The following SHANK2 variants were observed in gnomAD, a reference collection of about 807,000 sequenced individuals.
SHANK2 encodes the protein SH3 and multiple ankyrin repeat domains 2, also known as SH3 and multiple ankyrin repeat domains protein 2.
Under a neutral mutation model 133.7 loss-of-function variants are expected in SHANK2, and 43 were observed. The ratio of observed to expected loss-of-function variants is 0.32; its 90% CI spans 0.25 to 0.41. SHANK2 has a LOEUF of 0.41. Ranked by LOEUF, SHANK2 falls within the 10% of genes least tolerant of loss-of-function variation. The pLI is 1.00. For missense variants in SHANK2, 1,994 were observed against 2,235.8 expected (o/e 0.89, Z 2.18); for synonymous variants, 1,017 against 952.8 (o/e 1.07, Z -1.24).
At position 71,175,556 on chromosome 11, in the gene SHANK2, GAGA is replaced by G. The variant is rs1953420676; in HGVS notation, c.-12-28221_-12-28219del. On this transcript the variant is annotated intron_variant, in intron 2 of 25. Transcript: ENST00000601538. This position sits in a 1 kb window ranked among gnomAD's most constrained non-coding sequence, Gnocchi z 4.2. ...AGACAGAGGGAGAGGGAGAGGGAGA[GAGA>G]GAGAGAGAGAGAGAGAGAGAGAGAG... Among the ~76,000 whole-genome samples, 227 of 58,546 alleles carry G rather than the reference GAGA, an allele frequency of 3.9e-3. 6 individuals carry two copies. The highest frequency in any genetic ancestry group is 0.013 in the South Asian group (22 of 1,682). The allele number at this position is 58,546 out of a possible 152,430, so 38.4% of individuals were successfully genotyped here.
intron 17 of SHANK2, among the ~76,000 whole-genome samples, chr11:70,641,047 A>T (rs1286234290): frequency 2.0e-5 from 3 of 148,384 alleles, no homozygotes; most frequent in African/African-American, 5.1e-5. Context: ...CAGAATTTTT[A>T]AAATTCTAAG....
chr11:70,641,005 C>T (rs1412218341), intron 17 of SHANK2, among the ~76,000 whole-genome samples: 1 of 152,114 alleles, frequency 6.6e-6, no homozygotes, highest in Non-Finnish European at 1.5e-5. Flanking sequence ...CCTGGCATCC[C>T]TCCCTGATGA....
rs782228983 is a variant in SHANK2, at chr11:70,819,802, C to T, written c.1493+562G>A. On this transcript the variant is annotated intron_variant, in intron 12 of 25. Coordinates refer to ENST00000601538, the MANE Select transcript of SHANK2 (RefSeq NM_012309.5). ...CTGCAAGTGCTCCCCTGAGGGTTAG[C>T]GCTACCTGAGACCATCCCTGCAGCT... Among the ~76,000 whole-genome samples the T allele has an allele frequency of 5.6e-4, 86 of 152,270 alleles. No homozygotes were observed. The Middle Eastern group carries it at 0.01, about 18-fold the overall frequency.
At chr11:71,214,872 G>A (rs1451112655) in intron 2 of SHANK2, among the ~76,000 whole-genome samples, 1 of 152,218 alleles carries the variant, frequency 6.6e-6, no homozygotes, top group East Asian at 1.9e-4. Context: ...CCTGGGGGTG[G>A]CCACAGCCTT....
chr11:71,104,192 T>C (rs899974625), intron 6 of SHANK2, among the ~76,000 whole-genome samples: 1 of 152,152 alleles, frequency 6.6e-6, no homozygotes, highest in Non-Finnish European at 1.5e-5. Flanking sequence ...GTAGGTGTTA[T>C]CATTCAATTT....
intron 11 of SHANK2, among the ~76,000 whole-genome samples, chr11:70,886,885 C>G (rs1472681221): frequency 1.3e-5 from 2 of 152,122 alleles, no homozygotes; most frequent in Non-Finnish European, 2.9e-5. Context: ...CACACATCAG[C>G]TCAATGTGCC....
chr11:70,594,701 C>T (rs2060374049), intron 17 of SHANK2, among the ~76,000 whole-genome samples: 1 of 152,110 alleles, frequency 6.6e-6, no homozygotes, highest in Non-Finnish European at 1.5e-5. Flanking sequence ...TGGAACAACA[C>T]CGTGAACCTC....
chr11:71,059,818 G>C (rs1780554275), intron 9 of SHANK2, among the ~76,000 whole-genome samples: 1 of 152,214 alleles, frequency 6.6e-6, no homozygotes, highest in South Asian at 2.1e-4. Flanking sequence ...CGGTGACTGT[G>C]GCCAGCTTTG....
intron 8 of SHANK2, among the ~76,000 whole-genome samples, chr11:71,076,458 T>C (rs1289102987): frequency 6.6e-6 from 1 of 150,914 alleles, no homozygotes; most frequent in African/African-American, 2.4e-5. Flanking sequence ...AGGGAAGATA[T>C]TGAAACTATT....
chr11:71,124,090 C>T (rs370951104), intron 3 of SHANK2, among the ~76,000 whole-genome samples: 2 of 101,802 alleles, frequency 2.0e-5, no homozygotes, highest in East Asian at 3.2e-4. Context: ...TTGGTAATGG[C>T]GATGATAGTG....
chr11:71,215,065 C>G (rs1954377898), intron 2 of SHANK2, among the ~76,000 whole-genome samples: 1 of 152,220 alleles, frequency 6.6e-6, no homozygotes, highest in Admixed American at 6.5e-5. Flanking sequence ...GCTCCCTCCA[C>G]CAGCCATTCT....
At chr11:70,567,953 A>T (rs2059988255) in intron 17 of SHANK2, among the ~76,000 whole-genome samples, 2 of 152,214 alleles carry the variant, frequency 1.3e-5, no homozygotes, top group African/African-American at 4.8e-5. Context: ...TGAGCTATTC[A>T]AACCAAAACT....
chr11:70,485,339 C>T lies in SHANK2; in HGVS notation c.4954G>A (p.Ala1652Thr), dbSNP rs782153131. ...PGEGLDSPMG[A>T]KSASLAPRSP... ...CTTGGAGCGAGGCTGGCGGACTTGG[C>T]TCCCATTGGTGAATCCAGTCCTTCC... Residue 1652 changes from alanine to threonine, a missense_variant, in exon 25 of 26, where the codon GCC becomes ACC. This residue lies in a region of SHANK2 where 797 missense variants were observed against 907.4 expected (regional missense o/e 0.88). Coordinates refer to ENST00000601538, the MANE Select transcript of SHANK2 (RefSeq NM_012309.5). This position sits in a 1 kb window ranked among gnomAD's most constrained non-coding sequence, Gnocchi z 5.8. 2.6e-5 allele frequency: 42 copies of T among 1,613,756 alleles called. No individual in the cohort carries two copies. The highest frequency in any genetic ancestry group is 3.6e-5 in the Non-Finnish European group (42 of 1,180,034).
chr11:70,595,731 G>A (rs2060390687), intron 17 of SHANK2, among the ~76,000 whole-genome samples: 1 of 152,176 alleles, frequency 6.6e-6, no homozygotes, highest in African/African-American at 2.4e-5. Context: ...GGGTAGCGGG[G>A]GAAGATTGAG....
chr11:70,556,807 G>T (rs372392018), intron 17 of SHANK2, among the ~76,000 whole-genome samples: 2 of 152,054 alleles, frequency 1.3e-5, no homozygotes, highest in Non-Finnish European at 2.9e-5. Context: ...GACCAGGCTG[G>T]TCTCTAACTC....
intron 9 of SHANK2, among the ~76,000 whole-genome samples, chr11:71,073,239 ACCT>A (rs1363269760): frequency 7.2e-6 from 1 of 139,614 alleles, no homozygotes; most frequent in Non-Finnish European, 1.5e-5. Context: ...GCTCACTGCA[ACCT>A]CCGCCTCCCG....
intron 14 of SHANK2, among the ~76,000 whole-genome samples, chr11:70,772,024 T>C (rs1234937806): frequency 7.2e-5 from 11 of 152,140 alleles, no homozygotes; most frequent in African/African-American, 2.7e-4. Flanking sequence ...CTGTGTAAGC[T>C]GTGAGACCCC....
At chr11:70,640,896 G>T (rs950591038) in intron 17 of SHANK2, among the ~76,000 whole-genome samples, 1 of 152,164 alleles carries the variant, frequency 6.6e-6, no homozygotes, top group Non-Finnish European at 1.5e-5. Context: ...TGCAGGCAAT[G>T]AGCGTCTACA....
At chr11:70,861,481 A>C (rs1555067756) in intron 11 of SHANK2, among the ~76,000 whole-genome samples, 2 of 152,242 alleles carry the variant, frequency 1.3e-5, no homozygotes. Context: ...CCCTACCTGC[A>C]CCTGAACTTG....
Sources: gnomAD v4.1 joint callset for allele counts (sites outside exome capture counted in the v4.1 genomes callset) on GRCh38, gnomAD v4.1.1 for gene constraint, gnomAD v4.1.1 regional missense constraint, Gnocchi (gnomAD v3.1) non-coding constraint, MANE v1.5 for transcripts, NCBI Gene and HGNC (gene_info 2026-07-23, HGNC 2026-07-21) for gene names.